ARHGAP15: variants seen among roughly 807,000 people sequenced by gnomAD.
ARHGAP15 encodes the protein rho GTPase-activating protein 15.
In ARHGAP15, 51 loss-of-function variants were observed where a neutral mutation model predicts 63.7. That is an observed-to-expected ratio of 0.80 (90% CI 0.64 to 1.01). The LOEUF (loss-of-function observed/expected upper bound fraction) is 1.01. ARHGAP15 is among the 50% of genes least tolerant of loss of function. The pLI is 0.00. For missense variants in ARHGAP15, 560 were observed against 564.6 expected (o/e 0.99, Z 0.08); for synonymous variants, 191 against 193.8 (o/e 0.99, Z 0.12).
chr2:143,393,859 G>A (rs889257942), intron 6 of ARHGAP15, among the ~76,000 whole-genome samples: 4 of 151,448 alleles, frequency 2.6e-5, no homozygotes, highest in Non-Finnish European at 5.9e-5. Flanking sequence ...CCGTACAGCC[G>A]ATCTGACTGT....
At position 143,664,746 on chromosome 2, in the gene ARHGAP15, T is replaced by C. The variant is rs1247315812; in HGVS notation, c.1139-38673T>C. ...ATGATAAAGGGGATATCACCACCGATCCCACAGAAATACAAACTACCATCA... is the reference window on the plus strand; with the variant it reads ...ATGATAAAGGGGATATCACCACCGACCCCACAGAAATACAAACTACCATCA... On this transcript the variant is annotated intron_variant, in intron 12 of 13. Coordinates refer to ENST00000295095, the MANE Select transcript of ARHGAP15 (RefSeq NM_018460.4). 2.0e-5 allele frequency among the ~76,000 whole-genome samples: 3 copies of C among 152,002 alleles called. No homozygotes were observed. The East Asian group carries it at 5.8e-4, about 29-fold the overall frequency.
In ARHGAP15 at chr2:143,519,373, C is replaced by CT; in HGVS notation, c.925+10dup. 23 of 1,607,638 alleles carry CT rather than the reference C, an allele frequency of 1.4e-5. No homozygotes were observed. The highest frequency in any genetic ancestry group is 2.0e-5 in the Non-Finnish European group (23 of 1,174,620). On this transcript the variant is annotated intron_variant, in intron 10 of 13. Coordinates refer to ENST00000295095, the MANE Select transcript of ARHGAP15 (RefSeq NM_018460.4). Reference sequence around the variant, plus strand: ...AGCTGTTGAGAAAAGAGGTGGGTGACTGAATGTGCAGCAGTTCCCCCCATT... The same window carrying CT: ...AGCTGTTGAGAAAAGAGGTGGGTGACTTGAATGTGCAGCAGTTCCCCCCATT...
intron 6 of ARHGAP15, among the ~76,000 whole-genome samples, chr2:143,337,770 C>T (rs1014778579): frequency 5.3e-5 from 8 of 152,016 alleles, no homozygotes; most frequent in African/African-American, 1.2e-4. Context: ...GCTGCTTATT[C>T]GATAGCAAAA....
chr2:143,633,548 C>G (rs1680156422), intron 12 of ARHGAP15, among the ~76,000 whole-genome samples: 1 of 152,088 alleles, frequency 6.6e-6, no homozygotes. Context: ...ACTTGCACTC[C>G]TTTCTTCCAT....
intron 12 of ARHGAP15, among the ~76,000 whole-genome samples, chr2:143,688,141 T>C (rs1261406287): frequency 6.6e-6 from 1 of 152,186 alleles, no homozygotes; most frequent in Non-Finnish European, 1.5e-5. Flanking sequence ...ATAGGAAAAT[T>C]CATATGTAAT....
chr2:143,194,514 T>C (rs185186179), intron 2 of ARHGAP15, among the ~76,000 whole-genome samples: 1 of 152,200 alleles, frequency 6.6e-6, no homozygotes, highest in Admixed American at 6.5e-5. Flanking sequence ...TGGCCCTGAG[T>C]TTCTCATTAT....
At chr2:143,362,765 G>A (rs546845334) in intron 6 of ARHGAP15, among the ~76,000 whole-genome samples, 12 of 152,028 alleles carry the variant, frequency 7.9e-5, no homozygotes, top group African/African-American at 2.4e-4. Flanking sequence ...GGATTCATTC[G>A]TGACTCCTAT....
At chr2:143,723,483 A>G (rs1685151531) in intron 13 of ARHGAP15, among the ~76,000 whole-genome samples, 1 of 152,212 alleles carries the variant, frequency 6.6e-6, no homozygotes, top group Non-Finnish European at 1.5e-5. Context: ...GCTTTGAAGT[A>G]GGTCAGGAGT....
At chr2:143,130,160 G>A (rs1218128052) in intron 1 of ARHGAP15, among the ~76,000 whole-genome samples, 1 of 151,846 alleles carries the variant, frequency 6.6e-6, no homozygotes, top group African/African-American at 2.4e-5. Context: ...GCAAATTAGA[G>A]GTATACTTTT....
intron 10 of ARHGAP15, among the ~76,000 whole-genome samples, chr2:143,538,175 C>T (rs1344592037): frequency 1.3e-5 from 2 of 152,182 alleles, no homozygotes; most frequent in African/African-American, 2.4e-5. Context: ...ATTTGGCTCT[C>T]TGTTTGTCTG....
intron 11 of ARHGAP15, among the ~76,000 whole-genome samples, chr2:143,595,324 G>A (rs572774594): frequency 6.6e-6 from 1 of 152,096 alleles, no homozygotes; most frequent in African/African-American, 2.4e-5. Flanking sequence ...TCCTAGAGCT[G>A]ATAATGTCAG....
chr2:143,224,932 C>A (rs57720556), intron 4 of ARHGAP15, among the ~76,000 whole-genome samples: 25,909 of 152,108 alleles, frequency 0.17, 2,414 homozygotes, highest in Middle Eastern at 0.25. Context: ...TTCTCAGCAA[C>A]CTAACCCAAG....
intron 12 of ARHGAP15, chr2:143,682,883 T>G (rs1683168755): frequency 6.6e-6 from 1 of 152,216 alleles, no homozygotes; most frequent in Non-Finnish European, 1.5e-5. Flanking sequence ...GAATCCACAA[T>G]CTGCCAGTCT....
At chr2:143,415,332 C>A (rs571268044) in intron 6 of ARHGAP15, among the ~76,000 whole-genome samples, 1 of 151,684 alleles carries the variant, frequency 6.6e-6, no homozygotes, top group East Asian at 1.9e-4. Flanking sequence ...AATTTAAAAC[C>A]TCTTTGTGAC....
At chr2:143,659,725 T>C (rs543031679) in intron 12 of ARHGAP15, among the ~76,000 whole-genome samples, 3 of 152,320 alleles carry the variant, frequency 2.0e-5, no homozygotes, top group Admixed American at 6.5e-5. Context: ...CAGGCCCTTT[T>C]AAAAATTTAG....
intron 11 of ARHGAP15, among the ~76,000 whole-genome samples, chr2:143,613,329 A>G (rs533175811): frequency 7.9e-5 from 12 of 152,348 alleles, no homozygotes; most frequent in African/African-American, 2.6e-4. Flanking sequence ...AAGATTGTTA[A>G]GAAGAAATTA....
At chr2:143,175,506 C>G (rs1286253783) in intron 2 of ARHGAP15, among the ~76,000 whole-genome samples, 1 of 152,122 alleles carries the variant, frequency 6.6e-6, no homozygotes, top group Non-Finnish European at 1.5e-5. Context: ...TGATCTGCAT[C>G]CATTGGTGCT....
At chr2:143,375,334 C>T (rs746236409) in intron 6 of ARHGAP15, among the ~76,000 whole-genome samples, 6 of 152,124 alleles carry the variant, frequency 3.9e-5, no homozygotes, top group Non-Finnish European at 5.9e-5. Flanking sequence ...CCATTTCTCC[C>T]TAGAGCACTA....
intron 6 of ARHGAP15, among the ~76,000 whole-genome samples, chr2:143,323,014 G>T (rs1394843470): frequency 6.6e-6 from 1 of 152,204 alleles, no homozygotes; most frequent in Non-Finnish European, 1.5e-5. Flanking sequence ...TTAAAAGCTT[G>T]TATCCATCTG....
Sources: allele counts gnomAD v4.1 joint callset (sites outside exome capture counted in the v4.1 genomes callset), GRCh38; gene constraint gnomAD v4.1.1; transcripts MANE v1.5; gene names NCBI Gene and HGNC (gene_info 2026-07-23, HGNC 2026-07-21).